LAMA1: variants seen among roughly 807,000 people sequenced by gnomAD.
LAMA1 encodes laminin subunit alpha-1.
A neutral mutation model predicts 348.7 loss-of-function variants in LAMA1; 219 were observed. The ratio of observed to expected loss-of-function variants is 0.63; its 90% CI spans 0.56 to 0.70. LAMA1 has a LOEUF of 0.70. Among genes scored for constraint, LAMA1 ranks in the 30% least tolerant of loss-of-function variants. The pLI is 0.00. For missense variants in LAMA1, 3,744 were observed against 3,888.0 expected, an observed-to-expected ratio of 0.96 and a Z score of 0.99; for synonymous variants, 1,487 against 1,491.0, an observed-to-expected ratio of 1.00 and a Z score of 0.06.
At position 6,958,592 on chromosome 18, in the gene LAMA1, T is replaced by A; in HGVS notation, c.7849A>T (p.Thr2617Ser). The A allele has an allele frequency of 6.2e-7, 1 of 1,614,184 alleles. No homozygotes were observed. Among genetic ancestry groups the A allele is most frequent in the Non-Finnish European group, 8.5e-7 (1 of 1,180,000 alleles). ...MKLGTLVESRTINVSNLYVGG... is the reference protein window; with the variant it reads ...MKLGTLVESRSINVSNLYVGG... Reference sequence around the variant, plus strand: ...ACGTACAGATTGGACACATTTATCGTCCTGCTTTCTACTAATGTGCCCAAC... The same window carrying A: ...ACGTACAGATTGGACACATTTATCGACCTGCTTTCTACTAATGTGCCCAAC... The change falls in exon 55 of 63, where the codon ACG becomes TCG. Residue 2617 changes from threonine to serine, a missense_variant. Physicochemically the swap from Thr to Ser is moderately conservative, Grantham distance 58. Transcript: ENST00000389658.
rs1568041976 is a variant in LAMA1, at chr18:7,038,935, T to TC, written c.1437dup (p.Lys480GlufsTer4). The stretch of plus-strand genomic sequence containing the variant: ...CCTGGCTTGCAGCGATCACAGGCCT[T>TC]CCCCTCAACGTTTTCCTGTAAGTTA... On this transcript the variant is annotated frameshift_variant, in exon 11 of 63. Coordinates refer to ENST00000389658, the MANE Select transcript of LAMA1 (RefSeq NM_005559.4). LOFTEE classifies it high-confidence loss of function. 1 of 1,613,446 alleles carries TC rather than the reference T, an allele frequency of 6.2e-7. No homozygotes were observed. The highest frequency in any genetic ancestry group is 8.5e-7 in the Non-Finnish European group (1 of 1,179,400).
intron 36 of LAMA1, among the ~76,000 whole-genome samples, chr18:6,992,016 T>C (rs528356576): frequency 6.6e-6 from 1 of 152,310 alleles, no homozygotes; most frequent in South Asian, 2.1e-4. Context: ...TATCAAGTAA[T>C]ACCTGTGTGG....
intron 3 of LAMA1, among the ~76,000 whole-genome samples, chr18:7,078,198 G>A (rs191150264): frequency 9.8e-5 from 14 of 142,936 alleles, no homozygotes; most frequent in Admixed American, 2.2e-4. Flanking sequence ...ACAGAGTCTC[G>A]CTCTGTCGCC....
At chr18:7,098,544 C>T (rs556782046) in intron 1 of LAMA1, among the ~76,000 whole-genome samples, 36,830 of 149,950 alleles carry the variant, frequency 0.25, 4,386 homozygotes, top group South Asian at 0.32. Context: ...GGCTGCGACC[C>T]CGTCTGGGAG....
chr18:7,057,778 C>G (rs563839203), intron 3 of LAMA1, among the ~76,000 whole-genome samples: 1 of 149,538 alleles, frequency 6.7e-6, no homozygotes, highest in Non-Finnish European at 1.5e-5. Flanking sequence ...CGCATCCAGC[C>G]CAAAATTCTT....
intron 19 of LAMA1, among the ~76,000 whole-genome samples, chr18:7,018,610 T>C (rs2057900692): frequency 6.6e-6 from 1 of 151,958 alleles, no homozygotes; most frequent in African/African-American, 2.4e-5. Context: ...TTAGCCAGGA[T>C]GGTCTCGATC....
intron 41 of LAMA1, among the ~76,000 whole-genome samples, 182 bp from the exon 42 acceptor site, chr18:6,980,819 G>A (rs1275668677): frequency 6.6e-6 from 1 of 152,178 alleles, no homozygotes; most frequent in Non-Finnish European, 1.5e-5. Context: ...TATGGGCCAG[G>A]CGCGATGGCT....
chr18:6,975,149 T>C, intron 45 of LAMA1, 113 bp from the exon 46 acceptor site: 1 of 1,293,036 alleles, frequency 7.7e-7, no homozygotes, highest in East Asian at 2.5e-5. Flanking sequence ...TAAAAATAAA[T>C]ACATAAAAAG....
rs773649842 is a variant in LAMA1, at chr18:7,050,916, G to A, written c.366C>T (p.Val122=). The part of the protein sequence containing the change: ...DLRQVFQVAY[V]IIKAANAPRP... ...GAGGGGCATTGGCAGCTTTAATGATGACATATGCAACTTGAAAGACCTGAA... is the reference window on the plus strand; with the variant it reads ...GAGGGGCATTGGCAGCTTTAATGATAACATATGCAACTTGAAAGACCTGAA... The change falls in exon 4 of 63, where the codon GTC becomes GTT. Residue 122 remains valine, a synonymous_variant. Transcript: ENST00000389658. 6.2e-7 allele frequency: 1 copy of A among 1,614,106 alleles called. No individual in the cohort carries two copies. Among genetic ancestry groups the A allele is most frequent in the Non-Finnish European group, 8.5e-7 (1 of 1,180,014 alleles).
At chr18:7,016,168 T>C (rs905793667) in intron 21 of LAMA1, among the ~76,000 whole-genome samples, 6 of 152,338 alleles carry the variant, frequency 3.9e-5, no homozygotes, top group Non-Finnish European at 7.3e-5. Context: ...AATGCCATGC[T>C]GAGGACTTTA....
intron 3 of LAMA1, among the ~76,000 whole-genome samples, chr18:7,056,933 A>G (rs1449795694): frequency 2.0e-5 from 3 of 150,832 alleles, no homozygotes; most frequent in African/African-American, 4.9e-5. Flanking sequence ...GTGCAGTGGC[A>G]TGATCTTGGC....
At chr18:7,097,832 T>TCCCTCTC (rs954648595) in intron 1 of LAMA1, among the ~76,000 whole-genome samples, 92 of 151,644 alleles carry the variant, frequency 6.1e-4, no homozygotes, top group African/African-American at 7.7e-4. Flanking sequence ...CCTCTCCCTC[T>TCCCTCTC]CCCTCTCCCC....
At chr18:6,980,354 T>C (rs1217545137) in intron 42 of LAMA1, among the ~76,000 whole-genome samples, 167 bp downstream of exon 42, 2 of 152,210 alleles carry the variant, frequency 1.3e-5, no homozygotes, top group Non-Finnish European at 2.9e-5. Context: ...AAACCAATGA[T>C]TTTCATTTCT....
intron 3 of LAMA1, among the ~76,000 whole-genome samples, chr18:7,066,277 C>T (rs1467369217): frequency 6.6e-6 from 1 of 152,116 alleles, no homozygotes; most frequent in Non-Finnish European, 1.5e-5. Context: ...TCAGATTTTT[C>T]ATGTAAGCAT....
At chr18:7,024,526 T>A in intron 17 of LAMA1, 60 bp from the exon 18 acceptor site, 1 of 1,299,984 alleles carries the variant, frequency 7.7e-7, no homozygotes. Flanking sequence ...TTTCTAACTA[T>A]TTAAAATGCT....
rs569003202 is a variant in LAMA1, at chr18:6,999,620, A to G, written c.4488T>C (p.Tyr1496=). 1 of 1,612,810 alleles carries G rather than the reference A, an allele frequency of 6.2e-7. No homozygotes were observed. The highest frequency in any genetic ancestry group is 8.5e-7 in the Non-Finnish European group (1 of 1,179,456). The change falls in exon 32 of 63, where the codon TAT becomes TAC. Residue 1496 remains tyrosine (Y), a synonymous_variant. Coordinates refer to ENST00000389658, the MANE Select transcript of LAMA1 (RefSeq NM_005559.4). Reference sequence around the variant, plus strand: ...TGCCACCTGGTGTTTGAGGGTTCCCATAATAGCTTGAGGAGCACCTACAGA... The same window carrying G: ...TGCCACCTGGTGTTTGAGGGTTCCCGTAATAGCTTGAGGAGCACCTACAGA... The part of the protein sequence containing the change: ...KHCERCSSSY[Y]GNPQTPGGSC...
intron 1 of LAMA1, among the ~76,000 whole-genome samples, chr18:7,080,892 A>C (rs1375195331): frequency 6.6e-6 from 1 of 152,208 alleles, no homozygotes; most frequent in Non-Finnish European, 1.5e-5. Flanking sequence ...ACCAATGTAC[A>C]TGCGGAAATG....
At position 7,013,963 on chromosome 18, in the gene LAMA1, C is replaced by T. The variant is rs118089415; in HGVS notation, c.3215G>A (p.Arg1072Gln). The part of the protein sequence containing the change: ...HCQCKSKFGG[R>Q]ACDQCSLGYR... ...ACCCAAGGAACACTGATCGCAGGCCCGGCCACCAAATTTTGACTTGCACTG... is the reference window on the plus strand; with the variant it reads ...ACCCAAGGAACACTGATCGCAGGCCTGGCCACCAAATTTTGACTTGCACTG... Residue 1072 changes from arginine (R) to glutamine (Q), a missense_variant, in exon 23 of 63, where the codon CGG becomes CAG. Arg to Gln is a conservative substitution (Grantham distance 43). Transcript: ENST00000389658. 9.3e-5 allele frequency: 150 copies of T among 1,613,852 alleles called. No individual in the cohort carries two copies. Among genetic ancestry groups the T allele is most frequent in the Admixed American group, 1.8e-4 (11 of 60,006 alleles).
intron 2 of LAMA1, 43 bp downstream of exon 2, chr18:7,080,244 T>C: frequency 6.2e-7 from 1 of 1,612,776 alleles, no homozygotes; most frequent in Non-Finnish European, 8.5e-7. Context: ...TCACAAAGTG[T>C]ACATTCCCAT....
Sources: allele counts gnomAD v4.1 joint callset (sites outside exome capture counted in the v4.1 genomes callset), GRCh38; gene constraint gnomAD v4.1.1; transcripts MANE v1.5; gene names NCBI Gene and HGNC (gene_info 2026-07-23, HGNC 2026-07-21).